DCBLD2: variants seen among roughly 807,000 people sequenced by gnomAD.
The protein encoded by DCBLD2 is discoidin, CUB and LCCL domain-containing protein 2.
A neutral mutation model predicts 86.8 loss-of-function variants in DCBLD2; 54 were observed. The ratio of observed to expected loss-of-function variants is 0.62; its 90% CI spans 0.50 to 0.78. DCBLD2 has a LOEUF of 0.78. Ranked by LOEUF, DCBLD2 falls within the 30% of genes least tolerant of loss-of-function variation. The pLI is 0.00. For missense variants in DCBLD2, 908 were observed against 954.2 expected (o/e 0.95, Z 0.64); for synonymous variants, 354 against 341.3 (o/e 1.04, Z -0.41).
Position 98,800,614 on chromosome 3 carries a change from C to G in DCBLD2, c.1823G>C (p.Arg608Thr). 1 of 1,613,912 alleles carries G rather than the reference C, an allele frequency of 6.2e-7. No individual in the cohort carries two copies. The highest frequency in any genetic ancestry group is 8.5e-7 in the Non-Finnish European group (1 of 1,179,850). Residue 608 changes from arginine (R) to threonine (T), a missense_variant, in exon 15 of 16, where the codon AGA becomes ACA. Coordinates refer to ENST00000326840, the MANE Select transcript of DCBLD2 (RefSeq NM_080927.4). The stretch of plus-strand genomic sequence containing the variant: ...AGCCTGCAGCACTGTGGTGACTTCT[C>G]TTGGACTCAGGTGATTAACTTCGCT... ...SSSEVNHLSP[R>T]EVTTVLQADS...
At chr3:98,859,410 A>G (rs1942997965) in intron 2 of DCBLD2, among the ~76,000 whole-genome samples, 4 of 152,186 alleles carry the variant, frequency 2.6e-5, no homozygotes. Flanking sequence ...GAGATCTGAG[A>G]ACAGACAGAC....
chr3:98,850,290 A>C (rs186764600), intron 2 of DCBLD2, among the ~76,000 whole-genome samples: 1 of 152,242 alleles, frequency 6.6e-6, no homozygotes, highest in Non-Finnish European at 1.5e-5. Flanking sequence ...CATAAAATGC[A>C]TTAACACTAA....
chr3:98,881,218 C>T (rs1316829468), intron 2 of DCBLD2, among the ~76,000 whole-genome samples: 1 of 150,916 alleles, frequency 6.6e-6, no homozygotes, highest in African/African-American at 2.4e-5. Flanking sequence ...TGCGCCATTG[C>T]CCTCCAGCCT....
intron 13 of DCBLD2, among the ~76,000 whole-genome samples, chr3:98,804,147 T>C (rs940489303): frequency 2.0e-4 from 30 of 152,358 alleles, no homozygotes; most frequent in Admixed American, 3.9e-4. Context: ...GTACCTCTGG[T>C]AGAATTCGGC....
At chr3:98,799,953 G>T in intron 15 of DCBLD2, 112 bp from the exon 16 acceptor site, 1 of 903,548 alleles carries the variant, frequency 1.1e-6, no homozygotes, top group Non-Finnish European at 1.6e-6. Flanking sequence ...GGATACTTTT[G>T]TTGCCATCAA....
At chr3:98,875,079 A>G (rs1943345726) in intron 2 of DCBLD2, among the ~76,000 whole-genome samples, 1 of 152,354 alleles carries the variant, frequency 6.6e-6, no homozygotes, top group African/African-American at 2.4e-5. Context: ...ACAATTAGAT[A>G]AAAGAATCAA....
chr3:98,876,747 T>C (rs1251432637), intron 2 of DCBLD2, among the ~76,000 whole-genome samples: 1 of 152,132 alleles, frequency 6.6e-6, no homozygotes, highest in Non-Finnish European at 1.5e-5. Context: ...CTGTAAAATA[T>C]TGAAAGCAAC....
intron 13 of DCBLD2, among the ~76,000 whole-genome samples, chr3:98,804,545 TC>T (rs1941794443): frequency 2.0e-5 from 3 of 152,222 alleles, no homozygotes; most frequent in Non-Finnish European, 4.4e-5. Flanking sequence ...TCTATCTCCT[TC>T]AGTTCTGCTC....
At chr3:98,857,922 C>T (rs755654197) in intron 2 of DCBLD2, among the ~76,000 whole-genome samples, 3 of 152,258 alleles carry the variant, frequency 2.0e-5, no homozygotes, top group Non-Finnish European at 2.9e-5. Flanking sequence ...CAGTGGATCC[C>T]GCACCGGGGC....
At chr3:98,821,004 G>A (rs1052262171) in intron 6 of DCBLD2, 1 of 150,806 alleles carries the variant, frequency 6.6e-6, no homozygotes, top group Non-Finnish European at 1.5e-5. Flanking sequence ...AAAAAGAAGG[G>A]AAGGTAGTTG....
At chr3:98,858,601 C>G (rs1942980979) in intron 2 of DCBLD2, among the ~76,000 whole-genome samples, 1 of 152,228 alleles carries the variant, frequency 6.6e-6, no homozygotes, top group African/African-American at 2.4e-5. Flanking sequence ...AAACAATCAA[C>G]AGAGTGAAGA....
At chr3:98,850,836 T>C (rs1030173637) in intron 2 of DCBLD2, among the ~76,000 whole-genome samples, 1 of 152,222 alleles carries the variant, frequency 6.6e-6, no homozygotes, top group Non-Finnish European at 1.5e-5. Flanking sequence ...TTTCCATATA[T>C]GCTAGTGCAA....
chr3:98,796,044 A>G lies in DCBLD2; in HGVS notation c.*3328T>C, dbSNP rs907655054. 1.8e-4 allele frequency: 28 copies of G among 152,650 alleles called. No homozygotes were observed. Among genetic ancestry groups the G allele is most frequent in the African/African-American group, 5.3e-4 (22 of 41,460 alleles). The allele number at this position is 152,650 out of a possible 1,614,324, so 9.5% of individuals were successfully genotyped here. On this transcript the variant is annotated 3_prime_UTR_variant, in exon 16 of 16. Transcript: ENST00000326840. Reference sequence around the variant, plus strand: ...AATAATCTGAGCAAGACATATATACATTAAAAACAAATGAACACATTAAAA... The same window carrying G: ...AATAATCTGAGCAAGACATATATACGTTAAAAACAAATGAACACATTAAAA...
chr3:98,849,271 G>A (rs1308847312), intron 3 of DCBLD2, 190 bp downstream of exon 3: 34 of 650,284 alleles, frequency 5.2e-5, no homozygotes, highest in South Asian at 1.1e-4. Flanking sequence ...GGGAAGTAAC[G>A]TTTATGTACT....
At chr3:98,852,278 G>C (rs991324767) in intron 2 of DCBLD2, among the ~76,000 whole-genome samples, 1 of 145,414 alleles carries the variant, frequency 6.9e-6, no homozygotes, top group Admixed American at 7.0e-5. Flanking sequence ...AAGGAGTCTC[G>C]CTCTGTCACC....
At chr3:98,898,324 A>G (rs1943785679) in intron 1 of DCBLD2, among the ~76,000 whole-genome samples, 1 of 151,382 alleles carries the variant, frequency 6.6e-6, no homozygotes, top group Admixed American at 6.6e-5. Context: ...GAATGAAGGT[A>G]ATATATTCTG....
chr3:98,900,012 G>A (rs902188116), intron 1 of DCBLD2, among the ~76,000 whole-genome samples: 20 of 152,126 alleles, frequency 1.3e-4, no homozygotes, highest in African/African-American at 4.8e-4. Context: ...TAAATGCTAA[G>A]CATCTAAATT....
intron 1 of DCBLD2, among the ~76,000 whole-genome samples, chr3:98,883,829 G>A (rs1943515019): frequency 6.6e-6 from 1 of 152,050 alleles, no homozygotes; most frequent in Non-Finnish European, 1.5e-5. Flanking sequence ...TGGACACAGA[G>A]GGCTGTAATA....
chr3:98,898,429 GA>G (rs1253982320), intron 1 of DCBLD2, among the ~76,000 whole-genome samples: 3 of 148,834 alleles, frequency 2.0e-5, no homozygotes, highest in African/African-American at 5.0e-5. Context: ...GTCAAATAAA[GA>G]AAAAAAATCT....
Sources: allele counts gnomAD v4.1 joint callset (sites outside exome capture counted in the v4.1 genomes callset), GRCh38; gene constraint gnomAD v4.1.1; transcripts MANE v1.5; gene names NCBI Gene and HGNC (gene_info 2026-07-23, HGNC 2026-07-21).